SLC25A21: variants seen among roughly 807,000 people sequenced by gnomAD.
SLC25A21 encodes the protein solute carrier family 25 member 21.
In SLC25A21, 47 loss-of-function variants were observed where a neutral mutation model predicts 43.8. That is an observed-to-expected ratio of 1.07 (90% CI 0.85 to 1.37). SLC25A21 has a LOEUF of 1.37. SLC25A21 is among the 40% of genes most tolerant of loss of function. The pLI, the probability that SLC25A21 is intolerant of heterozygous loss-of-function variation, is 0.00. For synonymous variants in SLC25A21, 131 were observed against 121.3 expected (o/e 1.08, Z -0.52); for missense variants, 352 against 350.2 (o/e 1.00, Z -0.04).
chr14:36,860,722 C>T (rs538323086), intron 2 of SLC25A21, among the ~76,000 whole-genome samples: 31 of 152,218 alleles, frequency 2.0e-4, no homozygotes, highest in African/African-American at 6.7e-4. Flanking sequence ...TTTAAAAGAA[C>T]ACAAATACAG....
chr14:37,091,163 G>C (rs1031840481), intron 1 of SLC25A21, among the ~76,000 whole-genome samples: 2 of 152,080 alleles, frequency 1.3e-5, no homozygotes, highest in Non-Finnish European at 2.9e-5. Flanking sequence ...GGCCGGGTGC[G>C]GTGGCTCATA....
intron 7 of SLC25A21, among the ~76,000 whole-genome samples, chr14:36,710,110 C>T (rs1209133620): frequency 2.6e-5 from 4 of 151,984 alleles, no homozygotes; most frequent in Non-Finnish European, 5.9e-5. Context: ...CTTGGCTGGG[C>T]GTGGTGGCTC....
chr14:37,168,250 G>T (rs912197583), intron 1 of SLC25A21, among the ~76,000 whole-genome samples: 7 of 151,884 alleles, frequency 4.6e-5, no homozygotes, highest in Admixed American at 6.6e-5. Context: ...TCTCATCATT[G>T]GTTTCTCTGA....
At chr14:37,032,850 G>A (rs749666627) in intron 1 of SLC25A21, among the ~76,000 whole-genome samples, 49 of 151,952 alleles carry the variant, frequency 3.2e-4, no homozygotes, top group African/African-American at 8.7e-4. Context: ...ACCAATCTGC[G>A]TACCGCCCTT....
At position 36,820,943 on chromosome 14, in the gene SLC25A21, G is replaced by T. The variant is rs555063641; in HGVS notation, c.120-6942C>A. Reference sequence around the variant, plus strand: ...AACAGACTAAAGGTTTGCAATTACAGAACACATTAAAAGGATAACTGTAGG... The same window carrying T: ...AACAGACTAAAGGTTTGCAATTACATAACACATTAAAAGGATAACTGTAGG... On this transcript the variant is annotated intron_variant, in intron 2 of 9. Coordinates refer to ENST00000331299, the MANE Select transcript of SLC25A21 (RefSeq NM_030631.4). Among the ~76,000 whole-genome samples, 56 of 152,282 alleles carry T rather than the reference G, an allele frequency of 3.7e-4. No individual in the cohort carries two copies. In the South Asian group the frequency reaches 3.7e-3, roughly 10 times the overall value.
At chr14:36,986,581 C>T (rs1242286441) in intron 1 of SLC25A21, among the ~76,000 whole-genome samples, 1 of 152,130 alleles carries the variant, frequency 6.6e-6, no homozygotes, top group East Asian at 1.9e-4. Context: ...CATGTTAGCT[C>T]CTCCTACAGA....
intron 1 of SLC25A21, among the ~76,000 whole-genome samples, chr14:37,050,947 A>G (rs2138797430): frequency 6.6e-6 from 1 of 152,336 alleles, no homozygotes; most frequent in African/African-American, 2.4e-5. Context: ...ATAGCACAGA[A>G]TATTTACTTT....
intron 1 of SLC25A21, among the ~76,000 whole-genome samples, chr14:36,979,039 T>C (rs772615432): frequency 3.6e-4 from 54 of 152,066 alleles, no homozygotes; most frequent in Non-Finnish European, 6.6e-4. Context: ...AGTGAGCCGA[T>C]ATGGCACCAC....
intron 1 of SLC25A21, among the ~76,000 whole-genome samples, chr14:36,983,623 A>G (rs373523310): frequency 9.2e-5 from 14 of 152,348 alleles, no homozygotes; most frequent in African/African-American, 3.4e-4. Context: ...TGATCCAGCA[A>G]TCCCATGACT....
In SLC25A21 at chr14:36,860,659, A is replaced by C. The variant is rs145781956; in HGVS notation, c.119+14297T>G. ...TAACGAGTTCTCACTTTAGGAGAGCATCTTAGGAAAAAGTCAAACTTTTTT... is the reference window on the plus strand; with the variant it reads ...TAACGAGTTCTCACTTTAGGAGAGCCTCTTAGGAAAAAGTCAAACTTTTTT... On this transcript the variant is annotated intron_variant, in intron 2 of 9. Transcript: ENST00000331299. Among the ~76,000 whole-genome samples the C allele has an allele frequency of 9.2e-5, 14 of 152,362 alleles. No individual in the cohort carries two copies. In the South Asian group the frequency reaches 1.4e-3, roughly 16 times the overall value.
chr14:36,996,588 T>C (rs1345304495), intron 1 of SLC25A21, among the ~76,000 whole-genome samples: 3 of 152,158 alleles, frequency 2.0e-5, no homozygotes, highest in Admixed American at 1.3e-4. Context: ...TTGATACTGT[T>C]TGAATGTTTA....
chr14:37,085,094 GA>G (rs1962459208), intron 1 of SLC25A21, among the ~76,000 whole-genome samples: 1 of 152,094 alleles, frequency 6.6e-6, no homozygotes, highest in Non-Finnish European at 1.5e-5. Flanking sequence ...CTGAAGTGGA[GA>G]GGGGTGTTAA....
intron 8 of SLC25A21, 56 bp downstream of exon 8, chr14:36,684,688 G>A: frequency 6.7e-7 from 1 of 1,503,084 alleles, no homozygotes; most frequent in Non-Finnish European, 9.0e-7. Context: ...GGACAATACG[G>A]TTCTAACAAT....
intron 1 of SLC25A21, among the ~76,000 whole-genome samples, chr14:37,016,620 C>T (rs560135044): frequency 1.2e-4 from 19 of 152,128 alleles, no homozygotes; most frequent in African/African-American, 4.6e-4. Context: ...GCATTAGCTC[C>T]TAAAAAGACA....
chr14:37,017,742 A>G (rs1960894386), intron 1 of SLC25A21, among the ~76,000 whole-genome samples: 1 of 152,072 alleles, frequency 6.6e-6, no homozygotes, highest in Non-Finnish European at 1.5e-5. Context: ...TTTTCGCATA[A>G]TATGAATAAA....
intron 1 of SLC25A21, among the ~76,000 whole-genome samples, chr14:37,091,653 C>T (rs147102875): frequency 1.3e-5 from 2 of 152,258 alleles, no homozygotes; most frequent in African/African-American, 2.4e-5. Context: ...ACTTTGCACA[C>T]GTCTGTGAAT....
chr14:36,864,971 C>T (rs1033673721), intron 2 of SLC25A21, among the ~76,000 whole-genome samples: 3 of 151,904 alleles, frequency 2.0e-5, no homozygotes, highest in African/African-American at 7.2e-5. Flanking sequence ...TATACCCCAT[C>T]CTCACCTTTT....
At chr14:37,144,949 GTTGTTGT>G (rs1457294464) in intron 1 of SLC25A21, among the ~76,000 whole-genome samples, 1 of 151,080 alleles carries the variant, frequency 6.6e-6, no homozygotes, top group African/African-American at 2.4e-5. Context: ...TGTTGTTGTT[GTTGTTGT>G]TTGTTTGTTT....
chr14:36,712,766 A>G (rs945108746), intron 6 of SLC25A21, among the ~76,000 whole-genome samples: 5 of 152,226 alleles, frequency 3.3e-5, no homozygotes, highest in African/African-American at 9.6e-5. Context: ...TCTTAAAACA[A>G]TAAGACATAT....
Sources: gnomAD v4.1 joint callset for allele counts (sites outside exome capture counted in the v4.1 genomes callset) on GRCh38, gnomAD v4.1.1 for gene constraint, MANE v1.5 for transcripts, NCBI Gene and HGNC (gene_info 2026-07-23, HGNC 2026-07-21) for gene names.